Variants in RAB2A observed in about 807,000 individuals in gnomAD.
RAB2A encodes the protein ras-related protein Rab-2A.
A neutral mutation model predicts 32.5 loss-of-function variants in RAB2A; 7 were observed. The ratio of observed to expected loss-of-function variants is 0.22; its 90% confidence interval spans 0.12 to 0.40. The LOEUF is 0.40. Ranked by LOEUF, RAB2A falls within the 10% of genes least tolerant of loss-of-function variation. The probability of loss-of-function intolerance (pLI) is 1.00; values close to 1 mark genes in which losing one functional copy is unlikely to be tolerated. For missense variants in RAB2A, 108 were observed against 260.7 expected (o/e 0.41, Z 4.03); for synonymous variants, 79 against 85.2 (o/e 0.93, Z 0.40).
At chr8:60,575,807 A>G (rs753687990) in intron 3 of RAB2A, among the ~76,000 whole-genome samples, 1 of 151,638 alleles carries the variant, frequency 6.6e-6, no homozygotes, top group Non-Finnish European at 1.5e-5. Context: ...ACAGGCATGC[A>G]CCACCACGCC....
At chr8:60,595,207 A>G (rs978281630) in intron 6 of RAB2A, among the ~76,000 whole-genome samples, 1 of 152,250 alleles carries the variant, frequency 6.6e-6, no homozygotes, top group Non-Finnish European at 1.5e-5. Flanking sequence ...GATAAATATG[A>G]TAGACTTTTT....
chr8:60,568,809 A>G (rs1808155057), intron 2 of RAB2A, among the ~76,000 whole-genome samples: 1 of 152,238 alleles, frequency 6.6e-6, no homozygotes, highest in Non-Finnish European at 1.5e-5. Flanking sequence ...CTAGCAGCCA[A>G]ATTGGCTGTT....
chr8:60,525,496 G>A (rs1807364725), intron 1 of RAB2A, among the ~76,000 whole-genome samples: 1 of 152,070 alleles, frequency 6.6e-6, no homozygotes, highest in Non-Finnish European at 1.5e-5. Flanking sequence ...AAAGATCTAG[G>A]GGTGTCTGAC....
chr8:60,547,167 A>G (rs1310542963), intron 1 of RAB2A, among the ~76,000 whole-genome samples: 1 of 151,326 alleles, frequency 6.6e-6, no homozygotes, highest in Non-Finnish European at 1.5e-5. Flanking sequence ...AATCCATTCA[A>G]CCCTGAGTGG....
intron 6 of RAB2A, among the ~76,000 whole-genome samples, chr8:60,611,908 T>C (rs1168426891): frequency 6.6e-6 from 1 of 152,202 alleles, no homozygotes; most frequent in African/African-American, 2.4e-5. Context: ...GAAAACCAAT[T>C]ATTAATCTGC....
chr8:60,615,447 T>C (rs1322316660), intron 6 of RAB2A, among the ~76,000 whole-genome samples: 4 of 152,202 alleles, frequency 2.6e-5, no homozygotes, highest in African/African-American at 9.6e-5. Flanking sequence ...TATATATATA[T>C]GGAATGCAGT....
intron 1 of RAB2A, among the ~76,000 whole-genome samples, chr8:60,555,960 G>A (rs185850769): frequency 5.3e-4 from 80 of 152,270 alleles, no homozygotes; most frequent in African/African-American, 1.9e-3. Flanking sequence ...ATCAACCTAA[G>A]TGTCCAGCAG....
intron 5 of RAB2A, among the ~76,000 whole-genome samples, chr8:60,590,452 A>G (rs1289307693): frequency 1.3e-5 from 2 of 150,584 alleles, no homozygotes. Flanking sequence ...AGCGTGAGCA[A>G]CATAGTGAGA....
In RAB2A at chr8:60,620,820, CA is replaced by C. The variant is rs766953632; in HGVS notation, c.*52del. 1 of 1,469,230 alleles carries C rather than the reference CA, an allele frequency of 6.8e-7. No homozygotes were observed. The highest frequency in any genetic ancestry group is 1.2e-5 in the South Asian group (1 of 80,606). The allele number at this position is 1,469,230 out of a possible 1,614,324, so 91.0% of individuals were successfully genotyped here. A position where few individuals can be genotyped will look rare whatever the true frequency, so the allele number is the denominator to read the frequency against. On this transcript the variant is annotated 3_prime_UTR_variant, in exon 8 of 8. Coordinates refer to ENST00000262646, the MANE Select transcript of RAB2A (RefSeq NM_002865.3). ...AACGGGGCCTACTCACTTATTCTTTCACCCCCTCTCCTCCTGCTCAGCTGAG... is the reference window on the plus strand; with the variant it reads ...AACGGGGCCTACTCACTTATTCTTTCCCCCCTCTCCTCCTGCTCAGCTGAG...
chr8:60,550,018 T>A (rs1291734247), intron 1 of RAB2A, among the ~76,000 whole-genome samples: 8 of 152,244 alleles, frequency 5.3e-5, no homozygotes. Context: ...CCTCTTTACA[T>A]GTGGCTTATC....
intron 5 of RAB2A, among the ~76,000 whole-genome samples, chr8:60,588,214 T>A (rs567299036): frequency 4.7e-4 from 72 of 152,060 alleles, no homozygotes; most frequent in African/African-American, 1.7e-3. Flanking sequence ...GCCTGAGAGG[T>A]CAAGGCTGCA....
At chr8:60,570,335 T>G in intron 2 of RAB2A, among the ~76,000 whole-genome samples, 1 of 152,136 alleles carries the variant, frequency 6.6e-6, no homozygotes, top group Non-Finnish European at 1.5e-5. Context: ...AACAATAAAT[T>G]CATGAAAAAG....
intron 3 of RAB2A, among the ~76,000 whole-genome samples, chr8:60,582,635 C>T (rs1043176733): frequency 1.3e-5 from 2 of 152,142 alleles, no homozygotes; most frequent in African/African-American, 4.8e-5. Context: ...ATCCTCCTAC[C>T]TCAGCCTCCC....
chr8:60,610,143 T>C (rs1804314278), intron 6 of RAB2A, among the ~76,000 whole-genome samples: 1 of 151,914 alleles, frequency 6.6e-6, no homozygotes, highest in Non-Finnish European at 1.5e-5. Context: ...ATGCTTATGC[T>C]GCTGAAGTAT....
intron 3 of RAB2A, chr8:60,583,996 CT>C (rs1419932800): frequency 2.4e-6 from 1 of 424,892 alleles, no homozygotes; most frequent in African/African-American, 2.0e-5. Context: ...GCAGGAGCGA[CT>C]ACATGTGCAC....
At chr8:60,545,256 C>G (rs1030060728) in intron 1 of RAB2A, among the ~76,000 whole-genome samples, 3 of 152,036 alleles carry the variant, frequency 2.0e-5, no homozygotes, top group African/African-American at 7.2e-5. Flanking sequence ...TTGGGCCCCA[C>G]GAAAGACGTG....
chr8:60,579,981 T>A (rs1224023039), intron 3 of RAB2A, among the ~76,000 whole-genome samples: 8 of 145,790 alleles, frequency 5.5e-5, no homozygotes, highest in African/African-American at 1.8e-4. Context: ...CGAGTTTGGA[T>A]AGGTATATAT....
chr8:60,547,883 A>ATG (rs1807768230), intron 1 of RAB2A, among the ~76,000 whole-genome samples: 1 of 93,768 alleles, frequency 1.1e-5, no homozygotes. Flanking sequence ...CGGGGGGCTG[A>ATG]CCCCCCTACC....
At chr8:60,562,878 T>C (rs534280595) in intron 2 of RAB2A, among the ~76,000 whole-genome samples, 1 of 152,254 alleles carries the variant, frequency 6.6e-6, no homozygotes, top group South Asian at 2.1e-4. Context: ...GAAAGGGTAT[T>C]CAGTACCACC....
Sources: allele counts gnomAD v4.1 joint callset (sites outside exome capture counted in the v4.1 genomes callset), GRCh38; gene constraint gnomAD v4.1.1; transcripts MANE v1.5; gene names NCBI Gene and HGNC (gene_info 2026-07-23, HGNC 2026-07-21).